Variants in JCAD observed in about 807,000 individuals in gnomAD.
JCAD encodes junctional cadherin 5 associated.
In JCAD, 40 loss-of-function variants were observed where a neutral mutation model predicts 98.0. The ratio of observed to expected loss-of-function variants is 0.41; its 90% confidence interval spans 0.32 to 0.53. The LOEUF (loss-of-function observed/expected upper bound fraction) is 0.53. JCAD is among the 20% of genes least tolerant of loss of function. The pLI, the probability that JCAD is intolerant of heterozygous loss-of-function variation, is 0.31. For missense variants in JCAD, 1,705 were observed against 1,738.1 expected (o/e 0.98, Z 0.34); for synonymous variants, 691 against 682.3 (o/e 1.01, Z -0.20).
chr10:30,026,019 A>G, intron 3 of JCAD, 84 bp downstream of exon 3: 1 of 1,484,348 alleles, frequency 6.7e-7, no homozygotes, highest in South Asian at 1.1e-5. Context: ...ATGCAGATTT[A>G]CATTATCCAC....
intron 1 of JCAD, among the ~76,000 whole-genome samples, chr10:30,098,791 A>G (rs540968376): frequency 6.6e-6 from 1 of 152,308 alleles, no homozygotes; most frequent in African/African-American, 2.4e-5. Flanking sequence ...GAAATCTTCA[A>G]CCTTAAAATT....
Position 30,106,802 on chromosome 10 carries a change from G to T in JCAD, n.128+8565C>A, listed in dbSNP as rs376009116. Among the ~76,000 whole-genome samples, 21 of 152,218 alleles carry T rather than the reference G, an allele frequency of 1.4e-4. No homozygotes were observed. In the East Asian group the frequency reaches 3.9e-3, roughly 28 times the overall value. ...AGGAGTGAGCCACCATGCCTGGCCC[G>T]TTGTAGTTCTTTGAGCTTAAATGCC... On this transcript the variant is annotated intron_variant and non_coding_transcript_variant, in intron 1 of 2. Transcript: ENST00000465712.
In JCAD at chr10:30,026,768, T is replaced by A; in HGVS notation, c.3380A>T (p.Glu1127Val). ...SACTPESPQEELLSRPAPADV... is the reference protein window; with the variant it reads ...SACTPESPQEVLLSRPAPADV... ...TGCCGGTGCTGGGCGAGATAGCAAC[T>A]CTTCCTGGGGGGACTCTGGGGTGCA... The change falls in exon 3 of 4, where the codon GAG (glutamate) becomes GTG (valine). Residue 1127 changes from glutamate to valine, a missense_variant. Around this residue, in one of 3 missense-constraint regions of JCAD, gnomAD observed 1,278 missense variants for 1,243.1 expected, o/e 1.03. Coordinates refer to ENST00000375377, the MANE Select transcript of JCAD (RefSeq NM_020848.4). 6.2e-7 allele frequency: 1 copy of A among 1,614,174 alleles called. No individual in the cohort carries two copies. The highest frequency in any genetic ancestry group is 8.5e-7 in the Non-Finnish European group (1 of 1,180,034).
At chr10:30,044,917 T>C (rs1156301754) in intron 2 of JCAD, 4 of 362,904 alleles carry the variant, frequency 1.1e-5, no homozygotes, top group Non-Finnish European at 1.5e-5. Context: ...TGCAAACATG[T>C]ATGCATTTGC....
chr10:30,102,208 G>T (rs531644987), intron 1 of JCAD, among the ~76,000 whole-genome samples: 1 of 151,946 alleles, frequency 6.6e-6, no homozygotes, highest in African/African-American at 2.4e-5. Context: ...TTGCTCTGTC[G>T]CCCAGGCTGG....
chr10:30,037,434 C>G (rs997970993), intron 2 of JCAD, among the ~76,000 whole-genome samples: 4 of 152,152 alleles, frequency 2.6e-5, no homozygotes, highest in Admixed American at 6.5e-5. Flanking sequence ...GAATATTACT[C>G]TTCAGCAAAG....
intron 3 of JCAD, among the ~76,000 whole-genome samples, chr10:30,020,326 C>CAAAAAAA (rs59762991): frequency 5.9e-4 from 49 of 82,896 alleles, no homozygotes; most frequent in South Asian, 9.7e-4. Flanking sequence ...GACTCGGTCT[C>CAAAAAAA]AAAAAAAAAA....
At chr10:30,055,887 T>C (rs1837562149) in intron 1 of JCAD, among the ~76,000 whole-genome samples, 1 of 152,166 alleles carries the variant, frequency 6.6e-6, no homozygotes, top group African/African-American at 2.4e-5. Flanking sequence ...CTAAGTATTA[T>C]CCCTTCTGAC....
At chr10:30,042,122 C>T (rs908208125) in intron 2 of JCAD, among the ~76,000 whole-genome samples, 2 of 152,130 alleles carry the variant, frequency 1.3e-5, no homozygotes, top group South Asian at 2.1e-4. Flanking sequence ...CATTTAGGAG[C>T]GGGCTAGCAT....
At chr10:30,113,423 C>T (rs748796666) in intron 1 of JCAD, among the ~76,000 whole-genome samples, 61 of 151,538 alleles carry the variant, frequency 4.0e-4, no homozygotes, top group Non-Finnish European at 7.1e-4. Context: ...TGGTGGCAGG[C>T]GCCTGTAATC....
At position 30,068,110 on chromosome 10, in the gene JCAD, C is replaced by T. The variant is rs536855596; in HGVS notation, n.250+1590G>A. Among the ~76,000 whole-genome samples the T allele has an allele frequency of 3.9e-5, 6 of 152,164 alleles. No individual in the cohort carries two copies. In the South Asian group the frequency reaches 8.3e-4, roughly 21 times the overall value. Reference sequence around the variant, plus strand: ...AGTTAAGTGTAAAAGGATGTACGGCCGGGTGCGGTGGCTCAGGCCTGTGAT... The same window carrying T: ...AGTTAAGTGTAAAAGGATGTACGGCTGGGTGCGGTGGCTCAGGCCTGTGAT... On this transcript the variant is annotated intron_variant and non_coding_transcript_variant, in intron 2 of 2. Transcript: ENST00000465712.
intron 1 of JCAD, among the ~76,000 whole-genome samples, chr10:30,104,486 A>G (rs1564473783): frequency 6.6e-6 from 1 of 152,140 alleles, no homozygotes; most frequent in Non-Finnish European, 1.5e-5. Flanking sequence ...CAGAAAACCA[A>G]ATATGTTTTC....
Position 30,028,891 on chromosome 10 carries a change from G to A in JCAD, c.1257C>T (p.Gly419=). ...AHPRPVTAYD[G]FVQYIPFDDP... Reference sequence around the variant, plus strand: ...CATCAAAGGGAATGTACTGAACGAAGCCGTCATAGGCAGTGACAGGTCGGG... The same window carrying A: ...CATCAAAGGGAATGTACTGAACGAAACCGTCATAGGCAGTGACAGGTCGGG... Residue 419 remains glycine, a synonymous_variant, in exon 3 of 4, where the codon GGC becomes GGT. Transcript: ENST00000375377. The A allele has an allele frequency of 6.2e-7, 1 of 1,614,200 alleles. No homozygotes were observed. The highest frequency in any genetic ancestry group is 1.1e-5 in the South Asian group (1 of 91,082).
In JCAD at chr10:30,026,285, A is replaced by G; in HGVS notation, c.3863T>C (p.Leu1288Ser). The stretch of plus-strand genomic sequence containing the variant: ...GGCCTGGCCCCTTGTGGTGGCCTTC[A>G]ATTCCTCGGCGTCCTCCTGGGAGTC... ...NADSQEDAEE[L>S]KATTRGQAGL... Residue 1288 changes from leucine to serine, a missense_variant, in exon 3 of 4, where the codon TTG (leucine) becomes TCG (serine). Physicochemically the swap from Leu to Ser is moderately radical, Grantham distance 145 (BLOSUM62 -2). Around this residue, in one of 3 missense-constraint regions of JCAD, gnomAD observed 1,278 missense variants for 1,243.1 expected, o/e 1.03. Coordinates refer to ENST00000375377, the MANE Select transcript of JCAD (RefSeq NM_020848.4). 6 of 1,613,870 alleles carry G rather than the reference A, an allele frequency of 3.7e-6. No individual in the cohort carries two copies. Among genetic ancestry groups the G allele is most frequent in the Non-Finnish European group, 5.1e-6 (6 of 1,180,016 alleles).
chr10:30,101,686 C>T (rs1202125942), intron 1 of JCAD, among the ~76,000 whole-genome samples: 1 of 151,982 alleles, frequency 6.6e-6, no homozygotes, highest in African/African-American at 2.4e-5. Flanking sequence ...CTTTAGAATG[C>T]CTGTGGCTGA....
At chr10:30,076,453 G>A (rs1412827836) in intron 1 of JCAD, among the ~76,000 whole-genome samples, 1 of 152,176 alleles carries the variant, frequency 6.6e-6, no homozygotes, top group East Asian at 1.9e-4. Context: ...AACCACAGGT[G>A]AAACTGATTT....
At chr10:30,034,138 G>A (rs113361517) in intron 2 of JCAD, among the ~76,000 whole-genome samples, 192 of 152,064 alleles carry the variant, frequency 1.3e-3, no homozygotes, top group South Asian at 6.7e-3. Context: ...TGGGAGAATC[G>A]CTTGAACCCG....
At position 30,075,063 on chromosome 10, in the gene JCAD, T is replaced by G. The variant is rs143925523; in HGVS notation, n.129-5242A>C. Among the ~76,000 whole-genome samples the G allele has an allele frequency of 3.5e-3, 539 of 152,356 alleles. 5 individuals carry two copies. Among genetic ancestry groups the G allele is most frequent in the African/African-American group, 0.013 (522 of 41,586 alleles). The stretch of plus-strand genomic sequence containing the variant: ...TCTCAGCCTCCCAAAGTGTTGGGAT[T>G]ACAGGCATGAGCCACCATACCAGGC... On this transcript the variant is annotated intron_variant and non_coding_transcript_variant, in intron 1 of 2. Transcript: ENST00000465712.
chr10:30,095,522 C>A (rs572624565), intron 1 of JCAD, among the ~76,000 whole-genome samples: 5 of 152,232 alleles, frequency 3.3e-5, no homozygotes, highest in African/African-American at 9.6e-5. Flanking sequence ...CTTGCCTCCC[C>A]GTTCGACCTG....
Sources: allele counts gnomAD v4.1 joint callset (sites outside exome capture counted in the v4.1 genomes callset), GRCh38; gene constraint gnomAD v4.1.1; regional missense constraint gnomAD v4.1.1; transcripts MANE v1.5; gene names NCBI Gene and HGNC (gene_info 2026-07-23, HGNC 2026-07-21).